PLCB4: variants seen among roughly 807,000 people sequenced by gnomAD.
PLCB4 encodes the protein phospholipase C beta 4, also known as 1-phosphatidylinositol 4,5-bisphosphate phosphodiesterase beta-4.
In PLCB4, 77 loss-of-function variants were observed where a neutral mutation model predicts 178.8. The ratio of observed to expected loss-of-function variants is 0.43; its 90% CI spans 0.36 to 0.52. The LOEUF is 0.52. PLCB4 is among the 20% of genes least tolerant of loss of function. PLCB4 has a pLI of 0.00. For synonymous variants in PLCB4, 496 were observed against 490.8 expected (o/e 1.01, Z -0.14); for missense variants, 1,024 against 1,453.4 (o/e 0.70, Z 4.80).
chr20:9,360,697 A>T (rs2035246130), intron 7 of PLCB4, among the ~76,000 whole-genome samples: 1 of 152,246 alleles, frequency 6.6e-6, no homozygotes, highest in South Asian at 2.1e-4. Context: ...AGCCTGACAG[A>T]GGAAGTGAGT....
At chr20:9,343,413 GT>G (rs540444646) in intron 7 of PLCB4, among the ~76,000 whole-genome samples, 10 of 151,328 alleles carry the variant, frequency 6.6e-5, no homozygotes, top group Admixed American at 5.3e-4. Context: ...GTCTCTGATA[GT>G]TTTTTTTTCA....
At chr20:9,235,208 A>C (rs563772971) in intron 3 of PLCB4, among the ~76,000 whole-genome samples, 1 of 152,254 alleles carries the variant, frequency 6.6e-6, no homozygotes, top group South Asian at 2.1e-4. Flanking sequence ...AATAGAGAAG[A>C]GGACAATCAT....
intron 37 of PLCB4, 28 bp downstream of exon 37, chr20:9,472,875 T>C (rs773790797): frequency 7.4e-7 from 1 of 1,348,384 alleles, no homozygotes; most frequent in Admixed American, 1.8e-5. Flanking sequence ...TTTTTGGCAT[T>C]CTTCCTTTAA....
rs2034552470 is a variant in PLCB4, at chr20:9,353,837, C to T, written c.370-9059C>T. ...GGCCCAAGTCATGTTCTGATATACCCCAATTTTAAGAAGTAGACCTCTGTC... is the reference window on the plus strand; with the variant it reads ...GGCCCAAGTCATGTTCTGATATACCTCAATTTTAAGAAGTAGACCTCTGTC... On this transcript the variant is annotated intron_variant, in intron 7 of 39. Coordinates refer to ENST00000378473, the MANE Select transcript of PLCB4 (RefSeq NM_001377142.1). 2.6e-5 allele frequency among the ~76,000 whole-genome samples: 4 copies of T among 152,276 alleles called. No homozygotes were observed. In the South Asian group the frequency reaches 8.3e-4, roughly 32 times the overall value.
In PLCB4 at chr20:9,353,496, C is replaced by A. The variant is rs543728257; in HGVS notation, c.370-9400C>A. Among the ~76,000 whole-genome samples the A allele has an allele frequency of 4.6e-5, 7 of 152,346 alleles. No homozygotes were observed. In the South Asian group the frequency reaches 1.4e-3, roughly 32 times the overall value. The stretch of plus-strand genomic sequence containing the variant: ...AACTTGTTTAATTTTTACTTCTTAA[C>A]ATGATTTAGAAGTTGGTCTGTTATA... On this transcript the variant is annotated intron_variant, in intron 7 of 39. Transcript: ENST00000378473.
At chr20:9,219,711 A>G (rs1234256899) in intron 3 of PLCB4, among the ~76,000 whole-genome samples, 5 of 152,154 alleles carry the variant, frequency 3.3e-5, no homozygotes. Context: ...CTTGCTACAT[A>G]TCTTGAATTG....
intron 2 of PLCB4, among the ~76,000 whole-genome samples, chr20:9,205,032 T>C (rs1326741639): frequency 1.3e-5 from 2 of 152,238 alleles, no homozygotes; most frequent in Non-Finnish European, 2.9e-5. Context: ...ATGATGGTTC[T>C]GCTTACAATT....
At chr20:9,293,331 A>ACT (rs34035729) in intron 3 of PLCB4, among the ~76,000 whole-genome samples, 50,836 of 146,192 alleles carry the variant, frequency 0.35, 9,188 homozygotes, top group African/African-American at 0.46. Context: ...ACAGAGACAG[A>ACT]CTGTCAGAAA....
At chr20:9,296,265 C>T (rs1000826097) in intron 3 of PLCB4, among the ~76,000 whole-genome samples, 1 of 152,172 alleles carries the variant, frequency 6.6e-6, no homozygotes, top group Non-Finnish European at 1.5e-5. Context: ...AAATGCTCAT[C>T]ATCCCTGGCC....
chr20:9,283,609 C>T (rs1214787260), intron 3 of PLCB4, among the ~76,000 whole-genome samples: 1 of 151,924 alleles, frequency 6.6e-6, no homozygotes, highest in Non-Finnish European at 1.5e-5. Flanking sequence ...CCTTTTCTCT[C>T]CTGGGCAGGG....
chr20:9,366,420 A>G (rs1009783624), intron 9 of PLCB4, among the ~76,000 whole-genome samples: 1 of 148,288 alleles, frequency 6.7e-6, no homozygotes, highest in African/African-American at 2.5e-5. Context: ...AAAAAAAAAG[A>G]CTTGAGTGGA....
At chr20:9,151,545 T>G (rs6056431) in intron 2 of PLCB4, among the ~76,000 whole-genome samples, 30,641 of 152,120 alleles carry the variant, frequency 0.2, 4,108 homozygotes, top group East Asian at 0.55. Context: ...CTTTTGCTTC[T>G]TCCTCATTTT....
At chr20:9,385,241 T>C (rs2037486913) in intron 14 of PLCB4, among the ~76,000 whole-genome samples, 1 of 152,184 alleles carries the variant, frequency 6.6e-6, no homozygotes, top group Admixed American at 6.5e-5. Context: ...CTGATCTCTC[T>C]TTCTTTTCCC....
At chr20:9,237,199 T>C (rs191713887) in intron 3 of PLCB4, among the ~76,000 whole-genome samples, 1 of 152,292 alleles carries the variant, frequency 6.6e-6, no homozygotes, top group East Asian at 1.9e-4. Flanking sequence ...AGACTTTTCA[T>C]ATGTAGGATA....
chr20:9,361,685 A>C (rs1443352493), intron 7 of PLCB4, among the ~76,000 whole-genome samples: 2 of 152,222 alleles, frequency 1.3e-5, no homozygotes, highest in Non-Finnish European at 2.9e-5. Flanking sequence ...AGAAAGGTTA[A>C]ACAGCAAAAA....
At position 9,363,870 on chromosome 20, in the gene PLCB4, A is replaced by G. The variant is rs533658718; in HGVS notation, c.449+895A>G. Reference sequence around the variant, plus strand: ...CATCATACTCACTTGGCAATGGGCCAAGAGGTTAGTCCTAAAGGTACTGTC... The same window carrying G: ...CATCATACTCACTTGGCAATGGGCCGAGAGGTTAGTCCTAAAGGTACTGTC... On this transcript the variant is annotated intron_variant, in intron 8 of 39. Transcript: ENST00000378473. Among the ~76,000 whole-genome samples the G allele has an allele frequency of 8.5e-5, 13 of 152,356 alleles. No homozygotes were observed. The East Asian group carries it at 2.5e-3, about 29-fold the overall frequency.
At chr20:9,280,467 A>C in intron 3 of PLCB4, 2 of 984,380 alleles carry the variant, frequency 2.0e-6, no homozygotes, top group Non-Finnish European at 2.4e-6. Context: ...AGGGAAGGGA[A>C]AAAAAGGAGG....
chr20:9,450,803 C>T lies in PLCB4; in HGVS notation c.2881-2544C>T, dbSNP rs146065101. Among the ~76,000 whole-genome samples the T allele has an allele frequency of 4.5e-3, 685 of 151,782 alleles. 7 individuals are homozygous for T. The highest frequency in any genetic ancestry group is 0.015 in the African/African-American group (617 of 41,374). On this transcript the variant is annotated intron_variant, in intron 32 of 39. Coordinates refer to ENST00000378473, the MANE Select transcript of PLCB4 (RefSeq NM_001377142.1). ...AGCTGGGATTACAGGAGTGCACCAC[C>T]ATGCCCGGCTAATTTTTGTATTTTT...
intron 1 of PLCB4, among the ~76,000 whole-genome samples, chr20:9,077,066 G>A (rs2089904366): frequency 6.6e-6 from 1 of 151,910 alleles, no homozygotes; most frequent in African/African-American, 2.4e-5. Flanking sequence ...GGATCATATT[G>A]TATACATTTT....
Sources: allele counts gnomAD v4.1 joint callset (sites outside exome capture counted in the v4.1 genomes callset), GRCh38; gene constraint gnomAD v4.1.1; transcripts MANE v1.5; gene names NCBI Gene and HGNC (gene_info 2026-07-23, HGNC 2026-07-21).